The following OPHN1 variants were observed in gnomAD, a reference collection of about 807,000 sequenced individuals.
The protein encoded by OPHN1 is oligophrenin 1.
In OPHN1, 11 loss-of-function variants were observed where a neutral mutation model predicts 60.7. The observed-to-expected ratio is 0.18, with a 90% CI of 0.11 to 0.30. The LOEUF is 0.30. Ranked by LOEUF, OPHN1 falls within the 10% of genes least tolerant of loss-of-function variation. OPHN1 has a pLI of 1.00. For missense variants in OPHN1, 449 were observed against 611.0 expected (o/e 0.73, Z 2.80); for synonymous variants, 226 against 222.6 (o/e 1.02, Z -0.14).
chrX:68,219,480 T>G (rs866851289), intron 6 of OPHN1, among the ~76,000 whole-genome samples: 38 of 108,323 alleles, frequency 3.5e-4, no homozygotes, highest in African/African-American at 1.2e-3. Flanking sequence ...AATATACATT[T>G]TTCTCAGCAC....
At position 68,323,841 on chromosome X, in the gene OPHN1, T is replaced by C. The variant is rs769915566; in HGVS notation, c.155-24745A>G. 2.7e-5 allele frequency among the ~76,000 whole-genome samples: 3 copies of C among 112,064 alleles called. No individual in the cohort carries two copies. The South Asian group carries it at 1.1e-3, about 41-fold the overall frequency. On this transcript the variant is annotated intron_variant, in intron 2 of 24. Coordinates refer to ENST00000355520, the MANE Select transcript of OPHN1 (RefSeq NM_002547.3). ...GGATAATTGAACATTAGAAAACCTA[T>C]TATTGTAATTTATCATACATACAGA...
chrX:68,165,796 A>C (rs965321950), intron 15 of OPHN1, among the ~76,000 whole-genome samples: 1 of 112,301 alleles, frequency 8.9e-6, no homozygotes, highest in Admixed American at 9.5e-5. Flanking sequence ...AATAAAGCTA[A>C]GTGTACTAAA....
intron 2 of OPHN1, among the ~76,000 whole-genome samples, chrX:68,306,072 C>A (rs754381340): frequency 2.6e-4 from 29 of 112,245 alleles, no homozygotes; most frequent in Non-Finnish European, 4.7e-4. Context: ...TGAATAAATT[C>A]TTCCACTCTT....
chrX:68,416,150 C>A (rs2078798111), intron 2 of OPHN1, among the ~76,000 whole-genome samples: 1 of 102,803 alleles, frequency 9.7e-6, no homozygotes. Flanking sequence ...TCAAGCCATC[C>A]TCCCACCTCA....
chrX:68,291,175 T>C (rs1034970339), intron 3 of OPHN1, among the ~76,000 whole-genome samples: 1 of 111,448 alleles, frequency 9.0e-6, no homozygotes, highest in African/African-American at 3.3e-5. Context: ...GTCATTGCTA[T>C]GGATACAATA....
chrX:68,133,207 A>G, intron 15 of OPHN1: 1 of 776,853 alleles, frequency 1.3e-6, no homozygotes, highest in Non-Finnish European at 2.0e-6. Flanking sequence ...CAGCACTCAT[A>G]GCACCTAGCT....
chrX:68,137,890 C>T (rs1252948524), intron 15 of OPHN1, among the ~76,000 whole-genome samples: 2 of 111,464 alleles, frequency 1.8e-5, no homozygotes, highest in African/African-American at 6.5e-5. Flanking sequence ...TCCATGAATG[C>T]CTTCTATGTC....
chrX:68,423,109 T>C (rs2078838132), intron 2 of OPHN1, among the ~76,000 whole-genome samples: 1 of 110,006 alleles, frequency 9.1e-6, no homozygotes, highest in Non-Finnish European at 1.9e-5. Flanking sequence ...CACTGCAAGC[T>C]CCGCCTCCTG....
At position 68,255,513 on chromosome X, in the gene OPHN1, T is replaced by C. The variant is rs188945541; in HGVS notation, c.384+19225A>G. On this transcript the variant is annotated intron_variant, in intron 5 of 24. Coordinates refer to ENST00000355520, the MANE Select transcript of OPHN1 (RefSeq NM_002547.3). ...ACATTTAAACCAGTAGTCTTGCGGATATGTGGGCCTCATCTAATCAGTCAA... is the reference window on the plus strand; with the variant it reads ...ACATTTAAACCAGTAGTCTTGCGGACATGTGGGCCTCATCTAATCAGTCAA... Among the ~76,000 whole-genome samples, 267 of 111,795 alleles carry C rather than the reference T, an allele frequency of 2.4e-3. 2 individuals are homozygous for C. Among genetic ancestry groups the C allele is most frequent in the African/African-American group, 8.1e-3 (250 of 30,778 alleles).
chrX:68,401,432 T>C (rs1437510651), intron 2 of OPHN1, among the ~76,000 whole-genome samples: 1 of 112,026 alleles, frequency 8.9e-6, no homozygotes, highest in Non-Finnish European at 1.9e-5. Flanking sequence ...ATTCCACAAA[T>C]ACTTTCTAAA....
At chrX:68,098,315 A>G (rs1338651461) in intron 18 of OPHN1, among the ~76,000 whole-genome samples, 2 of 111,928 alleles carry the variant, frequency 1.8e-5, no homozygotes, top group African/African-American at 3.2e-5. Flanking sequence ...CACAGCAGGT[A>G]CTAATGAATT....
intron 2 of OPHN1, among the ~76,000 whole-genome samples, chrX:68,397,531 T>A: frequency 1.0e-5 from 1 of 99,026 alleles, no homozygotes; most frequent in African/African-American, 3.6e-5. Flanking sequence ...TTTATTTTTT[T>A]TTTTTTTTTG....
intron 2 of OPHN1, among the ~76,000 whole-genome samples, chrX:68,357,460 T>A (rs1055709140): frequency 2.8e-5 from 3 of 107,811 alleles, no homozygotes; most frequent in East Asian, 3.0e-4. Context: ...TGTCCATGTG[T>A]TCTCATTGTT....
chrX:68,105,342 A>G (rs1329587729), intron 18 of OPHN1, among the ~76,000 whole-genome samples: 1 of 111,300 alleles, frequency 9.0e-6, no homozygotes, highest in Non-Finnish European at 1.9e-5. Context: ...ATTCTACTAT[A>G]AAGACACATG....
At chrX:68,240,853 T>A (rs1336568731) in intron 5 of OPHN1, among the ~76,000 whole-genome samples, 2 of 112,056 alleles carry the variant, frequency 1.8e-5, no homozygotes, top group Non-Finnish European at 3.8e-5. Flanking sequence ...TTCTTATTTG[T>A]TGATCAATAT....
chrX:68,405,767 A>G (rs2078739419), intron 2 of OPHN1, among the ~76,000 whole-genome samples: 1 of 112,026 alleles, frequency 8.9e-6, no homozygotes, highest in South Asian at 3.7e-4. Flanking sequence ...TTTAACCTCT[A>G]TTTTATGCAC....
chrX:68,115,890 G>A (rs2077124999), intron 16 of OPHN1, among the ~76,000 whole-genome samples: 1 of 112,037 alleles, frequency 8.9e-6, no homozygotes, highest in South Asian at 3.7e-4. Context: ...TCAGGGTACA[G>A]CTTGGTTTTA....
intron 2 of OPHN1, among the ~76,000 whole-genome samples, chrX:68,347,183 G>C (rs1288043675): frequency 9.0e-6 from 1 of 111,124 alleles, no homozygotes; most frequent in African/African-American, 3.3e-5. Context: ...TGTGACCTTG[G>C]GCCCTCTCAG....
intron 2 of OPHN1, among the ~76,000 whole-genome samples, chrX:68,360,090 G>C (rs73539205): frequency 0.027 from 2,958 of 110,922 alleles, 93 homozygotes; most frequent in African/African-American, 0.092. Context: ...TTAGAACAGT[G>C]TCTGCAATTA....
Sources: allele counts gnomAD v4.1 joint callset (sites outside exome capture counted in the v4.1 genomes callset), GRCh38; gene constraint gnomAD v4.1.1; transcripts MANE v1.5; gene names NCBI Gene and HGNC (gene_info 2026-07-23, HGNC 2026-07-21).